Variants in CNTNAP2 observed in about 807,000 individuals in gnomAD.
The protein encoded by CNTNAP2 is contactin-associated protein-like 2.
CNTNAP2 carries 98 observed loss-of-function variants against 155.2 expected under a neutral mutation model. That is an observed-to-expected ratio of 0.63 (90% CI 0.54 to 0.75). CNTNAP2 has a LOEUF of 0.75. Among genes scored for constraint, CNTNAP2 ranks in the 30% least tolerant of loss-of-function variants. The pLI, the probability that CNTNAP2 is intolerant of heterozygous loss-of-function variation, is 0.00. For synonymous variants in CNTNAP2, 651 were observed against 631.2 expected (o/e 1.03, Z -0.47); for missense variants, 1,727 against 1,688.1 (o/e 1.02, Z -0.40).
chr7:147,938,881 C>A (rs999223813), intron 14 of CNTNAP2, among the ~76,000 whole-genome samples: 1 of 152,108 alleles, frequency 6.6e-6, no homozygotes, highest in Non-Finnish European at 1.5e-5. Context: ...CCACACCTAG[C>A]CCAACTGGAG....
intron 1 of CNTNAP2, among the ~76,000 whole-genome samples, chr7:146,507,846 G>T (rs1342702938): frequency 1.3e-5 from 2 of 152,132 alleles, no homozygotes; most frequent in African/African-American, 2.4e-5. Context: ...TATGCACACA[G>T]CCCTGCAGCA....
intron 3 of CNTNAP2, among the ~76,000 whole-genome samples, chr7:146,979,398 A>C (rs542092584): frequency 2.0e-5 from 3 of 152,216 alleles, no homozygotes; most frequent in Admixed American, 6.5e-5. Context: ...GCTCCTTCTT[A>C]TTATCCAGAT....
chr7:146,412,751 T>C (rs911141559), intron 1 of CNTNAP2, among the ~76,000 whole-genome samples: 2 of 152,198 alleles, frequency 1.3e-5, no homozygotes, highest in Non-Finnish European at 2.9e-5. Context: ...TCAACGGACA[T>C]AGAAGTAGAG....
intron 11 of CNTNAP2, among the ~76,000 whole-genome samples, chr7:147,537,798 A>C (rs1405110173): frequency 6.6e-6 from 1 of 152,202 alleles, no homozygotes; most frequent in African/African-American, 2.4e-5. Context: ...GTACTGATTC[A>C]GGTGTTTATA....
chr7:146,893,302 C>T (rs1257584620), intron 3 of CNTNAP2, among the ~76,000 whole-genome samples: 3 of 151,628 alleles, frequency 2.0e-5, no homozygotes, highest in South Asian at 2.1e-4. Flanking sequence ...AAGAATTTAT[C>T]GTGCTGAAGA....
At chr7:146,323,784 C>A (rs1056309141) in intron 1 of CNTNAP2, among the ~76,000 whole-genome samples, 2 of 152,008 alleles carry the variant, frequency 1.3e-5, no homozygotes, top group African/African-American at 4.8e-5. Flanking sequence ...CAGTTGAAGG[C>A]TTCTAGGGAA....
chr7:146,498,635 C>T (rs1797254372), intron 1 of CNTNAP2, among the ~76,000 whole-genome samples: 1 of 150,536 alleles, frequency 6.6e-6, no homozygotes, highest in African/African-American at 2.4e-5. Flanking sequence ...TGTTTATATA[C>T]ACTGTGAACG....
At chr7:148,161,613 T>C (rs1237169187) in intron 17 of CNTNAP2, among the ~76,000 whole-genome samples, 2 of 152,084 alleles carry the variant, frequency 1.3e-5, no homozygotes, top group Non-Finnish European at 2.9e-5. Context: ...TCTTCCACTG[T>C]CATTGATTCT....
intron 11 of CNTNAP2, among the ~76,000 whole-genome samples, chr7:147,511,409 C>T (rs1180280838): frequency 6.6e-6 from 1 of 151,596 alleles, no homozygotes; most frequent in Non-Finnish European, 1.5e-5. Flanking sequence ...TTTTCTTCCT[C>T]AAGCCGATTT....
At chr7:146,125,522 G>A (rs1797621348) in intron 1 of CNTNAP2, among the ~76,000 whole-genome samples, 1 of 144,106 alleles carries the variant, frequency 6.9e-6, no homozygotes, top group Non-Finnish European at 1.5e-5. Context: ...CTTGCAGTGA[G>A]CCGAGATCGC....
intron 1 of CNTNAP2, among the ~76,000 whole-genome samples, chr7:146,638,793 C>G (rs1009826880): frequency 6.6e-6 from 1 of 152,014 alleles, no homozygotes; most frequent in Non-Finnish European, 1.5e-5. Flanking sequence ...CCAGGTGTTT[C>G]TTAACGATGG....
At chr7:147,454,390 T>C (rs1261703085) in intron 10 of CNTNAP2, among the ~76,000 whole-genome samples, 1 of 152,212 alleles carries the variant, frequency 6.6e-6, no homozygotes, top group Non-Finnish European at 1.5e-5. Flanking sequence ...TACAAGACTT[T>C]GCTCTTTTCT....
chr7:148,054,434 T>TTC (rs1357296960), intron 15 of CNTNAP2, among the ~76,000 whole-genome samples: 2 of 146,846 alleles, frequency 1.4e-5, no homozygotes, highest in Non-Finnish European at 3.0e-5. Context: ...TCACTATGAC[T>TTC]TCTCTCAGTG....
chr7:147,212,447 G>A (rs886186721), intron 8 of CNTNAP2, among the ~76,000 whole-genome samples: 1 of 152,110 alleles, frequency 6.6e-6, no homozygotes, highest in African/African-American at 2.4e-5. Flanking sequence ...CAACATGGAT[G>A]CAGCTGAAGG....
intron 1 of CNTNAP2, among the ~76,000 whole-genome samples, chr7:146,211,557 G>A (rs943289334): frequency 6.6e-6 from 1 of 151,918 alleles, no homozygotes; most frequent in African/African-American, 2.4e-5. Flanking sequence ...TAACAGTTTT[G>A]TGCTTTGGAT....
chr7:147,270,181 G>A (rs1804711713), intron 8 of CNTNAP2, among the ~76,000 whole-genome samples: 1 of 152,188 alleles, frequency 6.6e-6, no homozygotes, highest in African/African-American at 2.4e-5. Context: ...CATGAGTCAT[G>A]TCTCTTCTTT....
At chr7:147,046,477 G>T (rs1458130601) in intron 4 of CNTNAP2, among the ~76,000 whole-genome samples, 1 of 152,046 alleles carries the variant, frequency 6.6e-6, no homozygotes, top group African/African-American at 2.4e-5. Context: ...ATTCTATCTT[G>T]TGAATATTCT....
intron 9 of CNTNAP2, among the ~76,000 whole-genome samples, chr7:147,319,867 A>G (rs950839787): frequency 2.0e-5 from 3 of 152,216 alleles, no homozygotes; most frequent in African/African-American, 4.8e-5. Flanking sequence ...TTCACGAAGT[A>G]TGAATTCTAT....
At chr7:147,642,676 T>C (rs1359132730) in intron 13 of CNTNAP2, among the ~76,000 whole-genome samples, 2 of 152,220 alleles carry the variant, frequency 1.3e-5, no homozygotes, top group African/African-American at 4.8e-5. Context: ...GAAAAACTGC[T>C]AAATTGAAAT....
Sources: allele counts gnomAD v4.1 joint callset (sites outside exome capture counted in the v4.1 genomes callset), GRCh38; gene constraint gnomAD v4.1.1; transcripts MANE v1.5; gene names NCBI Gene and HGNC (gene_info 2026-07-23, HGNC 2026-07-21).